EYS: variants seen among roughly 807,000 people sequenced by gnomAD.
The protein encoded by EYS is EGF-like photoreceptor maintenance factor, also known as protein eyes shut homolog.
In EYS, 250 loss-of-function variants were observed where a neutral mutation model predicts 282.1. That is an observed-to-expected ratio of 0.89 (90% CI 0.80 to 0.98). EYS has a LOEUF of 0.98. EYS is among the 50% of genes least tolerant of loss of function. The pLI is 0.00. For missense variants in EYS, 4,016 were observed against 3,709.0 expected, an observed-to-expected ratio of 1.08 and a Z score of -2.15; for synonymous variants, 1,355 against 1,282.9, an observed-to-expected ratio of 1.06 and a Z score of -1.20.
chr6:63,874,299 G>T (rs1772902392), intron 35 of EYS, among the ~76,000 whole-genome samples: 1 of 152,090 alleles, frequency 6.6e-6, no homozygotes, highest in Non-Finnish European at 1.5e-5. Context: ...AAGATCAGAT[G>T]GTTGTAGATG....
chr6:64,539,947 T>C (rs1035787682), intron 26 of EYS, among the ~76,000 whole-genome samples: 9 of 152,178 alleles, frequency 5.9e-5, no homozygotes, highest in African/African-American at 1.9e-4. Context: ...CTGAAATAAT[T>C]GTGTCCTGAA....
intron 26 of EYS, among the ~76,000 whole-genome samples, chr6:64,445,165 G>T (rs962090884): frequency 6.6e-6 from 1 of 152,142 alleles, no homozygotes; most frequent in Admixed American, 6.5e-5. Flanking sequence ...TTTGCACACA[G>T]TTTTCAATCA....
intron 19 of EYS, among the ~76,000 whole-genome samples, chr6:64,874,740 G>A (rs982884131): frequency 2.0e-5 from 3 of 152,078 alleles, no homozygotes; most frequent in Non-Finnish European, 1.5e-5. Flanking sequence ...TTATCCATAA[G>A]TAAAGCTGGT....
At chr6:64,032,535 G>T (rs1475505304) in intron 33 of EYS, among the ~76,000 whole-genome samples, 3 of 152,306 alleles carry the variant, frequency 2.0e-5, no homozygotes, top group East Asian at 3.9e-4. Flanking sequence ...ACTATCTGGA[G>T]TTAGCACAGA....
In EYS at chr6:64,187,056, A is replaced by C. The variant is rs375772465; in HGVS notation, c.6424+43536T>G. On this transcript the variant is annotated intron_variant, in intron 31 of 42. Coordinates refer to ENST00000503581, the MANE Select transcript of EYS (RefSeq NM_001142800.2). ...AATTATGCAACTCTGTGATAATTTA[A>C]AGAAAATCTGGTCTGTAGATGAACC... 1.2e-4 allele frequency among the ~76,000 whole-genome samples: 19 copies of C among 152,254 alleles called. No individual in the cohort carries two copies. The East Asian group carries it at 1.7e-3, about 14-fold the overall frequency.
intron 26 of EYS, among the ~76,000 whole-genome samples, chr6:64,537,053 A>T (rs192198468): frequency 0.034 from 5,161 of 150,736 alleles, 186 homozygotes; most frequent in East Asian, 0.1. Context: ...CATGTGCACA[A>T]TGTGCAGGTT....
chr6:64,858,945 C>G (rs1473342818), intron 19 of EYS, among the ~76,000 whole-genome samples: 1 of 152,044 alleles, frequency 6.6e-6, no homozygotes, highest in African/African-American at 2.4e-5. Flanking sequence ...CCATCCTCAC[C>G]ACTTCTTTTT....
intron 1 of EYS, among the ~76,000 whole-genome samples, chr6:65,701,434 C>T (rs1769670474): frequency 6.6e-6 from 1 of 152,114 alleles, no homozygotes; most frequent in Non-Finnish European, 1.5e-5. Context: ...CTCCTTCACG[C>T]TTGTTCATCT....
At chr6:65,130,792 A>G (rs1320929302) in intron 12 of EYS, among the ~76,000 whole-genome samples, 1 of 151,178 alleles carries the variant, frequency 6.6e-6, no homozygotes, top group Non-Finnish European at 1.5e-5. Context: ...GTACCCTGGA[A>G]CTAAAGTTAA....
At chr6:63,843,249 G>A (rs1002289851) in intron 36 of EYS, among the ~76,000 whole-genome samples, 10 of 152,270 alleles carry the variant, frequency 6.6e-5, no homozygotes, top group South Asian at 6.2e-4. Context: ...AGCATGGAAC[G>A]TTTTTCCTTT....
chr6:65,189,878 CAG>C (rs1418602885), intron 12 of EYS, among the ~76,000 whole-genome samples: 2 of 151,704 alleles, frequency 1.3e-5, no homozygotes, highest in African/African-American at 4.8e-5. Flanking sequence ...GGAAAACAAA[CAG>C]ATAAACATAA....
At chr6:64,203,857 T>C (rs1176553491) in intron 31 of EYS, among the ~76,000 whole-genome samples, 1 of 152,094 alleles carries the variant, frequency 6.6e-6, no homozygotes, top group Non-Finnish European at 1.5e-5. Context: ...AACAAGTACT[T>C]TGAGGGAGAA....
intron 18 of EYS, among the ~76,000 whole-genome samples, chr6:64,889,107 A>G (rs1321648244): frequency 6.6e-6 from 1 of 152,010 alleles, no homozygotes; most frequent in Admixed American, 6.6e-5. Context: ...GTGATTTATG[A>G]TAATCACCAC....
At chr6:65,276,313 G>C (rs1283192506) in intron 12 of EYS, among the ~76,000 whole-genome samples, 1 of 151,972 alleles carries the variant, frequency 6.6e-6, no homozygotes, top group East Asian at 1.9e-4. Context: ...ATTATTCCTA[G>C]TGACCCACTA....
intron 25 of EYS, 108 bp downstream of exon 25, chr6:64,593,009 A>G (rs1766458892): frequency 6.4e-6 from 5 of 781,418 alleles, no homozygotes; most frequent in Non-Finnish European, 1.9e-6. Flanking sequence ...ACCCCTAAAA[A>G]TCATGTATCT....
chr6:65,241,235 T>C (rs571771824), intron 12 of EYS, among the ~76,000 whole-genome samples: 1 of 152,286 alleles, frequency 6.6e-6, no homozygotes, highest in East Asian at 1.9e-4. Context: ...GATATACTCA[T>C]AAAACTTACT....
At chr6:65,237,150 A>C (rs1377885905) in intron 12 of EYS, among the ~76,000 whole-genome samples, 1 of 152,174 alleles carries the variant, frequency 6.6e-6, no homozygotes, top group African/African-American at 2.4e-5. Context: ...TCCAGGAGTA[A>C]GCATATGCCT....
chr6:64,050,925 G>A (rs1232202470), intron 33 of EYS, among the ~76,000 whole-genome samples: 4 of 152,114 alleles, frequency 2.6e-5, no homozygotes, highest in Admixed American at 1.3e-4. Context: ...TCTGAATATT[G>A]AGAAAAGTGA....
chr6:65,631,514 G>A (rs1687877070), intron 2 of EYS, among the ~76,000 whole-genome samples: 1 of 151,932 alleles, frequency 6.6e-6, no homozygotes, highest in South Asian at 2.1e-4. Context: ...TCCCTCTGTG[G>A]GGCAAGTGGG....
Sources: gnomAD v4.1 joint callset for allele counts (sites outside exome capture counted in the v4.1 genomes callset) on GRCh38, gnomAD v4.1.1 for gene constraint, MANE v1.5 for transcripts, NCBI Gene and HGNC (gene_info 2026-07-23, HGNC 2026-07-21) for gene names.